VPS33B: variants seen among roughly 807,000 people sequenced by gnomAD.
VPS33B encodes VPS33B late endosome and lysosome associated, also known as vacuolar protein sorting-associated protein 33B.
A neutral mutation model predicts 95.3 loss-of-function variants in VPS33B; 80 were observed. That is an observed-to-expected ratio of 0.84 (90% CI 0.70 to 1.01). The LOEUF is 1.01. Among genes scored for constraint, VPS33B ranks in the 50% least tolerant of loss-of-function variants. VPS33B has a pLI of 0.00. For synonymous variants in VPS33B, 280 were observed against 280.4 expected, an observed-to-expected ratio of 1.00 and a Z score of 0.01; for missense variants, 715 against 773.4, an observed-to-expected ratio of 0.92 and a Z score of 0.90.
chr15:91,005,335 G>A lies in VPS33B; in HGVS notation c.1105+45C>T, dbSNP rs768877384. 2.8e-4 allele frequency: 445 copies of A among 1,614,116 alleles called. 1 individual carries two copies. Among genetic ancestry groups the A allele is most frequent in the South Asian group, 2.3e-3 (213 of 91,078 alleles). ...GGGTGGGACGGGGCTGGGAGCTGGGGAAGTAGAAGCGTGGGCAGTAGCACA... is the reference window on the plus strand; with the variant it reads ...GGGTGGGACGGGGCTGGGAGCTGGGAAAGTAGAAGCGTGGGCAGTAGCACA... On this transcript the variant is annotated intron_variant, in intron 14 of 22. Coordinates refer to ENST00000333371, the MANE Select transcript of VPS33B (RefSeq NM_018668.5). The surrounding 1 kb of genome is among the most constrained non-coding windows in gnomAD (Gnocchi z 6.4).
Position 91,017,804 on chromosome 15 carries a change from C to T in VPS33B, c.177+1G>A, listed in dbSNP as rs760410842. 30 of 1,613,942 alleles carry T rather than the reference C, an allele frequency of 1.9e-5. No homozygotes were observed. Among genetic ancestry groups the T allele is most frequent in the Non-Finnish European group, 2.5e-5 (30 of 1,179,952 alleles). On this transcript the variant is annotated splice_donor_variant, in intron 2 of 22. Transcript: ENST00000333371. LOFTEE classifies it high-confidence loss of function. Reference sequence around the variant, plus strand: ...TGGCCCCCAGGGGAAAGGGACAGTACCTTCAGGATGGAGACATTGGCAATT... The same window carrying T: ...TGGCCCCCAGGGGAAAGGGACAGTATCTTCAGGATGGAGACATTGGCAATT...
rs544401242 is a variant in VPS33B at position 90,999,061 on chromosome 15, A to T, written c.1775-7T>A. ...AGGAAAATGAACCTGTAGCCTAAGG[A>T]GTCAAATGCAGCAGCAGAAGAGACA... On this transcript the variant is annotated splice_region_variant and splice_polypyrimidine_tract_variant and intron_variant, in intron 22 of 22. Coordinates refer to ENST00000333371, the MANE Select transcript of VPS33B (RefSeq NM_018668.5). The surrounding 1 kb of genome is among the most constrained non-coding windows in gnomAD (Gnocchi z 5.1). The T allele has an allele frequency of 6.2e-7, 1 of 1,613,952 alleles. No individual in the cohort carries two copies. The highest frequency in any genetic ancestry group is 8.5e-7 in the Non-Finnish European group (1 of 1,179,962).
Position 91,002,770 on chromosome 15 carries a change from G to A in VPS33B, c.1272+315C>T, listed in dbSNP as rs1451446623. 6.6e-6 allele frequency among the ~76,000 whole-genome samples: 1 copy of A among 152,152 alleles called. No homozygotes were observed. Among genetic ancestry groups the A allele is most frequent in the Non-Finnish European group, 1.5e-5 (1 of 68,036 alleles). On this transcript the variant is annotated intron_variant, in intron 17 of 22. Coordinates refer to ENST00000333371, the MANE Select transcript of VPS33B (RefSeq NM_018668.5). This position sits in a 1 kb window ranked among gnomAD's most constrained non-coding sequence, Gnocchi z 4.7. ...GTAAGACTTGAGAAGTACCAGGAAG[G>A]AAAGCTGAATCAATGCCTCACACGG...
chr15:91,017,035 A>T lies in VPS33B; in HGVS notation c.178-11T>A. On this transcript the variant is annotated splice_polypyrimidine_tract_variant and intron_variant, in intron 2 of 22. Transcript: ENST00000333371. ...GTCTACTTCGTGTTGCTACAGAGAGAATCCAATAAGACAATGGACATAAGA... is the reference window on the plus strand; with the variant it reads ...GTCTACTTCGTGTTGCTACAGAGAGTATCCAATAAGACAATGGACATAAGA... 6.2e-7 allele frequency: 1 copy of T among 1,613,802 alleles called. No individual in the cohort carries two copies. Among genetic ancestry groups the T allele is most frequent in the South Asian group, 1.1e-5 (1 of 91,074 alleles).
chr15:91,003,466 G>A (rs1357699951), intron 16 of VPS33B, among the ~76,000 whole-genome samples: 1 of 152,072 alleles, frequency 6.6e-6, no homozygotes. Context: ...TAGAGATGGA[G>A]TCTTGCTCTG....
At chr15:91,004,225 A>G (rs1311716808) in intron 16 of VPS33B, among the ~76,000 whole-genome samples, 1 of 140,242 alleles carries the variant, frequency 7.1e-6, no homozygotes, top group East Asian at 2.4e-4. Context: ...TCTGTCTTAA[A>G]AAAAAAAAAA....
chr15:90,998,804 AG>A lies in VPS33B; in HGVS notation c.*170del, dbSNP rs2040345945. ...CAGAAAAGAGAAATATCCTGGGAGC[AG>A]GAAGTGAACTCTTTTCTCAGATAAT... On this transcript the variant is annotated 3_prime_UTR_variant, in exon 23 of 23. Transcript: ENST00000333371. This position sits in a 1 kb window ranked among gnomAD's most constrained non-coding sequence, Gnocchi z 4.8. The A allele has an allele frequency of 6.7e-6, 5 of 741,990 alleles. No individual in the cohort carries two copies. Among genetic ancestry groups the A allele is most frequent in the Non-Finnish European group, 1.2e-5 (5 of 415,698 alleles). The allele number at this position is 741,990 out of a possible 1,614,324, so 46.0% of individuals were successfully genotyped here.
At position 91,014,406 on chromosome 15, in the gene VPS33B, G is replaced by C; in HGVS notation, c.267C>G (p.Ile89Met). 1.2e-6 allele frequency: 2 copies of C among 1,613,830 alleles called. No individual in the cohort carries two copies. The highest frequency in any genetic ancestry group is 1.7e-6 in the Non-Finnish European group (2 of 1,179,994). Reference sequence around the variant, plus strand: ...CACTGGCAATGTATCGCATATTCTTGATGCGGGGTCTGACCAAGAAGCACA... The same window carrying C: ...CACTGGCAATGTATCGCATATTCTTCATGCGGGGTCTGACCAAGAAGCACA... Reference protein sequence around the residue: ...EQLCFLVRPRIKNMRYIASLV... With the variant: ...EQLCFLVRPRMKNMRYIASLV... The change falls in exon 4 of 23, where the codon ATC (isoleucine) becomes ATG (methionine). Residue 89 changes from isoleucine to methionine, a missense_variant. Transcript: ENST00000333371.
chr15:91,004,875 A>G lies in VPS33B; in HGVS notation c.1225+2T>C, dbSNP rs760316287. ...TTCTCATCTTCAGTCTTTTGGGCTC[A>G]CCATTCTCAGTGATGGACAAAAGGC... On this transcript the variant is annotated splice_donor_variant, in intron 16 of 22. Coordinates refer to ENST00000333371, the MANE Select transcript of VPS33B (RefSeq NM_018668.5). LOFTEE classifies it high-confidence loss of function. 6.2e-7 allele frequency: 1 copy of G among 1,614,208 alleles called. No homozygotes were observed. The highest frequency in any genetic ancestry group is 2.2e-5 in the East Asian group (1 of 44,892).
Position 91,007,113 on chromosome 15 carries a change from G to C in VPS33B, c.604-67C>G. 1 of 1,557,408 alleles carries C rather than the reference G, an allele frequency of 6.4e-7. No individual in the cohort carries two copies. Among genetic ancestry groups the C allele is most frequent in the Non-Finnish European group, 8.8e-7 (1 of 1,141,072 alleles). On this transcript the variant is annotated intron_variant, in intron 8 of 22. Transcript: ENST00000333371. This position sits in a 1 kb window ranked among gnomAD's most constrained non-coding sequence, Gnocchi z 5.3. ...CTACTGCAGCCCCATACCTACAGAAGTCAGCCCTTTCCACGTGATACTTCC... is the reference window on the plus strand; with the variant it reads ...CTACTGCAGCCCCATACCTACAGAACTCAGCCCTTTCCACGTGATACTTCC...
chr15:91,010,439 A>C lies in VPS33B; in HGVS notation c.358-593T>G, dbSNP rs1334429831. Among the ~76,000 whole-genome samples the C allele has an allele frequency of 6.6e-6, 1 of 152,132 alleles. No individual in the cohort carries two copies. Among genetic ancestry groups the C allele is most frequent in the Non-Finnish European group, 1.5e-5 (1 of 68,016 alleles). ...AACATAGTGACACCCCATCTCTACA[A>C]AACAATGCAAAAATTAGCTGGGCAT... On this transcript the variant is annotated intron_variant, in intron 5 of 22. Transcript: ENST00000333371. The surrounding 1 kb of genome is among the most constrained non-coding windows in gnomAD (Gnocchi z 5.7).
chr15:91,016,487 G>A (rs548511366), intron 3 of VPS33B, among the ~76,000 whole-genome samples: 3 of 148,698 alleles, frequency 2.0e-5, no homozygotes, highest in Non-Finnish European at 3.0e-5. Context: ...GGGTTCAAGC[G>A]ATTCGCCTGG....
In VPS33B at chr15:91,007,046, T is replaced by C. The variant is rs771084345; in HGVS notation, c.604A>G (p.Met202Val). 1 of 1,610,540 alleles carries C rather than the reference T, an allele frequency of 6.2e-7. No homozygotes were observed. Among genetic ancestry groups the C allele is most frequent in the Non-Finnish European group, 8.5e-7 (1 of 1,179,998 alleles). The change falls in exon 9 of 23, where the codon ATG becomes GTG. Residue 202 changes from methionine (M) to valine (V), a missense_variant and splice_region_variant. By Grantham distance (21) the Met-to-Val change is conservative. Coordinates refer to ENST00000333371, the MANE Select transcript of VPS33B (RefSeq NM_018668.5). This position sits in a 1 kb window ranked among gnomAD's most constrained non-coding sequence, Gnocchi z 5.3. ...NCYGIGRCAK[M>V]AYELWRNLEE... Reference sequence around the variant, plus strand: ...AGGTTCCTCCACAATTCATATGCCATCTGCCAGGGCCCAAGACATTCTCAG... The same window carrying C: ...AGGTTCCTCCACAATTCATATGCCACCTGCCAGGGCCCAAGACATTCTCAG...
rs1015379515 is a variant in VPS33B at position 91,015,643 on chromosome 15, G to A, written c.240-1210C>T. ...ACTGCACTCCAACCTGGGTGACAGA[G>A]TTAGACTCCTACTCAAAAAAATAAA... On this transcript the variant is annotated intron_variant, in intron 3 of 22. Transcript: ENST00000333371. The surrounding 1 kb of genome is among the most constrained non-coding windows in gnomAD (Gnocchi z 4.7). Among the ~76,000 whole-genome samples the A allele has an allele frequency of 1.3e-5, 2 of 151,926 alleles. No individual in the cohort carries two copies. The highest frequency in any genetic ancestry group is 2.4e-5 in the African/African-American group (1 of 41,398).
intron 16 of VPS33B, among the ~76,000 whole-genome samples, chr15:91,004,365 G>A (rs898345087): frequency 1.3e-5 from 2 of 152,200 alleles, no homozygotes; most frequent in Admixed American, 6.5e-5. Flanking sequence ...CTAGCTGGGC[G>A]TGGTGGTGCA....
chr15:91,018,755 A>C lies in VPS33B; in HGVS notation c.97-870T>G, dbSNP rs926553236. Among the ~76,000 whole-genome samples, 1 of 152,186 alleles carries C rather than the reference A, an allele frequency of 6.6e-6. No individual in the cohort carries two copies. The highest frequency in any genetic ancestry group is 2.1e-4 in the South Asian group (1 of 4,830). On this transcript the variant is annotated intron_variant, in intron 1 of 22. Transcript: ENST00000333371. This position sits in a 1 kb window ranked among gnomAD's most constrained non-coding sequence, Gnocchi z 4.7. ...CCCACCACAAAGAATGATCCAGCCCAAAAAGTCAACAGTATAGAGAGCAGG... is the reference window on the plus strand; with the variant it reads ...CCCACCACAAAGAATGATCCAGCCCCAAAAGTCAACAGTATAGAGAGCAGG...
At chr15:91,001,533 T>C (rs1427994245) in intron 18 of VPS33B, 71 bp from the exon 19 acceptor site, 10 of 1,260,666 alleles carry the variant, frequency 7.9e-6, no homozygotes, top group Non-Finnish European at 1.2e-5. Flanking sequence ...GATAACACCA[T>C]TCAGGACACG....
At chr15:91,019,078 G>A (rs2041028427) in intron 1 of VPS33B, among the ~76,000 whole-genome samples, 1 of 146,398 alleles carries the variant, frequency 6.8e-6, no homozygotes, top group African/African-American at 2.5e-5. Context: ...CTCCCAAAGT[G>A]CTGGGATTAC....
At position 90,999,177 on chromosome 15, in the gene VPS33B, G is replaced by T; in HGVS notation, c.1775-123C>A. 1.1e-6 allele frequency: 1 copy of T among 881,862 alleles called. No homozygotes were observed. Among genetic ancestry groups the T allele is most frequent in the Admixed American group, 2.0e-5 (1 of 50,210 alleles). 54.6% of individuals were successfully genotyped at this position (881,862 alleles called of 1,614,324 possible). ...ACAGCACCAGTTTATAGACAGAGAC[G>T]TGAGTGCCATGCTCTTGGGCACCAC... is the stretch of plus-strand genomic sequence containing the variant. On this transcript the variant is annotated intron_variant, in intron 22 of 22. Coordinates refer to ENST00000333371, the MANE Select transcript of VPS33B (RefSeq NM_018668.5). This position sits in a 1 kb window ranked among gnomAD's most constrained non-coding sequence, Gnocchi z 5.1.
Sources: gnomAD v4.1 joint callset for allele counts (sites outside exome capture counted in the v4.1 genomes callset) on GRCh38, gnomAD v4.1.1 for gene constraint, Gnocchi (gnomAD v3.1) non-coding constraint, MANE v1.5 for transcripts, NCBI Gene and HGNC (gene_info 2026-07-23, HGNC 2026-07-21) for gene names.